Variants in DLG2 observed in about 807,000 individuals in gnomAD.
DLG2 encodes disks large homolog 2.
Under a neutral mutation model 132.5 loss-of-function variants are expected in DLG2, and 45 were observed. The observed-to-expected ratio is 0.34, with a 90% CI of 0.27 to 0.44. The LOEUF (loss-of-function observed/expected upper bound fraction) is 0.44, where lower values mean the gene tolerates loss of function less well. Among genes scored for constraint, DLG2 ranks in the 20% least tolerant of loss-of-function variants. The pLI, the probability that DLG2 is intolerant of heterozygous loss-of-function variation, is 1.00. For missense variants in DLG2, 1,045 were observed against 1,196.9 expected (o/e 0.87, Z 1.87); for synonymous variants, 424 against 419.6 (o/e 1.01, Z -0.13).
rs114378102 is a variant in DLG2, at chr11:84,088,400, C to T, written c.749+10523G>A. On this transcript the variant is annotated intron_variant, in intron 10 of 27. Transcript: ENST00000376104. ...GAAAAAAAAAAAAACAAAAATCCAA[C>T]GAGTCATGTTTGCCACAAAGTTATT... 7.8e-3 allele frequency among the ~76,000 whole-genome samples: 1,174 copies of T among 150,966 alleles called. 7 individuals are homozygous for T. Among genetic ancestry groups the T allele is most frequent in the African/African-American group, 0.027 (1,117 of 41,218 alleles).
At chr11:83,954,990 G>A (rs533744052) in intron 14 of DLG2, among the ~76,000 whole-genome samples, 9 of 151,290 alleles carry the variant, frequency 5.9e-5, no homozygotes, top group South Asian at 4.2e-4. Context: ...GAGCAGCTGC[G>A]TAATATTGTT....
At chr11:84,873,769 T>C (rs1004286966) in intron 6 of DLG2, among the ~76,000 whole-genome samples, 2 of 152,240 alleles carry the variant, frequency 1.3e-5, no homozygotes, top group Non-Finnish European at 2.9e-5. Context: ...GCCTTTAGGC[T>C]CTTTAACCAT....
intron 15 of DLG2, among the ~76,000 whole-genome samples, chr11:83,908,864 G>C (rs1198017691): frequency 2.0e-5 from 3 of 152,106 alleles, no homozygotes; most frequent in Non-Finnish European, 4.4e-5. Flanking sequence ...CTCCCCAGTA[G>C]CTAGGACTAT....
intron 6 of DLG2, among the ~76,000 whole-genome samples, chr11:85,004,747 A>G: frequency 6.6e-6 from 1 of 152,070 alleles, no homozygotes; most frequent in East Asian, 1.9e-4. Context: ...CTATTTGTCC[A>G]TTTTGGCTTT....
At chr11:84,095,080 A>G (rs1394866851) in intron 10 of DLG2, among the ~76,000 whole-genome samples, 1 of 152,142 alleles carries the variant, frequency 6.6e-6, no homozygotes, top group Non-Finnish European at 1.5e-5. Flanking sequence ...AAAGTATGTG[A>G]AAAATAGGGA....
chr11:84,524,314 G>A (rs11234067), intron 7 of DLG2, among the ~76,000 whole-genome samples: 13,270 of 152,128 alleles, frequency 0.087, 769 homozygotes, highest in South Asian at 0.18. Flanking sequence ...CTTTCTTCCC[G>A]CTTTTCAATA....
intron 18 of DLG2, among the ~76,000 whole-genome samples, chr11:83,745,864 A>T (rs956947703): frequency 5.3e-5 from 8 of 152,130 alleles, no homozygotes; most frequent in Non-Finnish European, 7.4e-5. Flanking sequence ...GAATCTACAA[A>T]GAACTCAAAC....
At chr11:84,223,882 C>A (rs1309685548) in intron 8 of DLG2, among the ~76,000 whole-genome samples, 1 of 152,136 alleles carries the variant, frequency 6.6e-6, no homozygotes, top group Non-Finnish European at 1.5e-5. Context: ...TAATCATGCA[C>A]AAATATAAAG....
chr11:85,548,177 A>T (rs2076447387), intron 3 of DLG2, among the ~76,000 whole-genome samples: 1 of 151,916 alleles, frequency 6.6e-6, no homozygotes, highest in Non-Finnish European at 1.5e-5. Flanking sequence ...CTCTGAGTGG[A>T]TGTCCTTTTT....
chr11:84,368,455 A>G (rs1396879082), intron 7 of DLG2, among the ~76,000 whole-genome samples: 3 of 152,152 alleles, frequency 2.0e-5, no homozygotes, highest in Non-Finnish European at 1.5e-5. Context: ...GTCACTAAAA[A>G]TAGCATGTGC....
intron 18 of DLG2, among the ~76,000 whole-genome samples, chr11:83,673,139 C>T (rs1273355975): frequency 6.6e-6 from 1 of 152,088 alleles, no homozygotes; most frequent in African/African-American, 2.4e-5. Context: ...TGAGGCAATG[C>T]CTATGTTTTG....
At chr11:84,101,230 C>A (rs1259753635) in intron 9 of DLG2, among the ~76,000 whole-genome samples, 4 of 152,036 alleles carry the variant, frequency 2.6e-5, no homozygotes, top group Admixed American at 2.6e-4. Flanking sequence ...TAGAGAAGAA[C>A]ATTTTGACAT....
At chr11:84,976,489 A>G (rs565039166) in intron 6 of DLG2, among the ~76,000 whole-genome samples, 188 of 152,286 alleles carry the variant, frequency 1.2e-3, no homozygotes, top group Middle Eastern at 3.4e-3. Context: ...ATGTGTATAT[A>G]TAATTAGATA....
intron 3 of DLG2, among the ~76,000 whole-genome samples, chr11:85,406,247 C>T (rs937193763): frequency 1.3e-5 from 2 of 150,544 alleles, no homozygotes; most frequent in African/African-American, 2.4e-5. Context: ...TTAACAAATT[C>T]TCTCTGACAG....
intron 19 of DLG2, among the ~76,000 whole-genome samples, chr11:83,575,572 TTGAAGGATGAG>T (rs1369163887): frequency 6.6e-6 from 1 of 152,150 alleles, no homozygotes; most frequent in East Asian, 1.9e-4. Context: ...AAGAACCATT[TTGAAGGATGAG>T]TAGGATCAAT....
chr11:84,666,312 T>A (rs866229868), intron 6 of DLG2, among the ~76,000 whole-genome samples: 1 of 152,148 alleles, frequency 6.6e-6, no homozygotes, highest in Non-Finnish European at 1.5e-5. Flanking sequence ...TCCTATCTAA[T>A]AGCCTTCGAA....
intron 18 of DLG2, among the ~76,000 whole-genome samples, chr11:83,713,763 A>G (rs1005813718): frequency 1.3e-5 from 2 of 152,230 alleles, no homozygotes; most frequent in African/African-American, 4.8e-5. Flanking sequence ...CACTGTGGCA[A>G]TTGCACCATC....
intron 6 of DLG2, among the ~76,000 whole-genome samples, chr11:84,714,011 T>C (rs1335986924): frequency 6.6e-6 from 1 of 152,104 alleles, no homozygotes; most frequent in African/African-American, 2.4e-5. Context: ...AAATAAGTCA[T>C]GTATAAACCA....
chr11:85,213,595 A>G (rs1383711616), intron 4 of DLG2, among the ~76,000 whole-genome samples: 1 of 152,142 alleles, frequency 6.6e-6, no homozygotes, highest in Non-Finnish European at 1.5e-5. Flanking sequence ...AAAAGAATAA[A>G]TTGTAAATGT....
Sources: allele counts gnomAD v4.1 joint callset (sites outside exome capture counted in the v4.1 genomes callset), GRCh38; gene constraint gnomAD v4.1.1; transcripts MANE v1.5; gene names NCBI Gene and HGNC (gene_info 2026-07-23, HGNC 2026-07-21).